COMMD1: variants seen among roughly 807,000 people sequenced by gnomAD.
The protein encoded by COMMD1 is copper metabolism domain containing 1, also known as COMM domain-containing protein 1.
COMMD1 carries 10 observed loss-of-function variants against 17.2 expected under a neutral mutation model. The observed-to-expected ratio is 0.58, with a 90% confidence interval of 0.36 to 0.99. The LOEUF is 0.99. COMMD1 is among the 50% of genes least tolerant of loss of function. COMMD1 has a pLI of 0.01. For synonymous variants in COMMD1, 97 were observed against 91.6 expected, an observed-to-expected ratio of 1.06 and a Z score of -0.34; for missense variants, 270 against 231.8, an observed-to-expected ratio of 1.17 and a Z score of -1.07.
chr2:61,932,733 C>T (rs1241460965), intron 1 of COMMD1, among the ~76,000 whole-genome samples: 2 of 152,142 alleles, frequency 1.3e-5, no homozygotes, highest in Non-Finnish European at 2.9e-5. Context: ...GCCGTGTGCC[C>T]AAACCCCTTG....
intron 2 of COMMD1, among the ~76,000 whole-genome samples, chr2:62,099,516 T>C (rs927326383): frequency 1.3e-5 from 2 of 152,038 alleles, no homozygotes; most frequent in Non-Finnish European, 2.9e-5. Flanking sequence ...TGGTGCCCAC[T>C]GGGGACCGCT....
intron 2 of COMMD1, among the ~76,000 whole-genome samples, chr2:62,090,324 C>G (rs1050484309): frequency 6.6e-6 from 1 of 151,700 alleles, no homozygotes; most frequent in Admixed American, 6.6e-5. Context: ...TTATCATATT[C>G]TTTGATTAGA....
intron 2 of COMMD1, among the ~76,000 whole-genome samples, chr2:62,087,183 A>T (rs1443007922): frequency 6.6e-6 from 1 of 152,206 alleles, no homozygotes; most frequent in Non-Finnish European, 1.5e-5. Flanking sequence ...TTAAAGCTTC[A>T]ACAAAATTAT....
chr2:62,077,956 A>G (rs1671391806), intron 2 of COMMD1, among the ~76,000 whole-genome samples: 1 of 152,200 alleles, frequency 6.6e-6, no homozygotes, highest in African/African-American at 2.4e-5. Context: ...CCTGGGATCA[A>G]CAGAAAGGAA....
intron 1 of COMMD1, among the ~76,000 whole-genome samples, chr2:61,944,076 A>T (rs1411340420): frequency 2.0e-5 from 3 of 152,172 alleles, no homozygotes; most frequent in African/African-American, 4.8e-5. Context: ...TATGAAAATG[A>T]TAGTTCAGTT....
chr2:62,064,852 T>C (rs926221214), intron 2 of COMMD1, among the ~76,000 whole-genome samples: 1 of 152,188 alleles, frequency 6.6e-6, no homozygotes. Flanking sequence ...AGCCTTTTTG[T>C]ATCAATATTT....
intron 2 of COMMD1, among the ~76,000 whole-genome samples, chr2:62,096,443 G>A (rs916563886): frequency 6.6e-6 from 1 of 152,204 alleles, no homozygotes; most frequent in Non-Finnish European, 1.5e-5. Context: ...TACAAAGAGG[G>A]TAAAAGGAAG....
intron 1 of COMMD1, among the ~76,000 whole-genome samples, chr2:61,892,058 C>T (rs986238693): frequency 6.6e-6 from 1 of 151,808 alleles, no homozygotes; most frequent in African/African-American, 2.4e-5. Flanking sequence ...GTCTCGATCT[C>T]CTGACCCGGT....
intron 2 of COMMD1, among the ~76,000 whole-genome samples, chr2:62,089,072 G>T (rs925744656): frequency 1.3e-5 from 2 of 152,096 alleles, no homozygotes; most frequent in Non-Finnish European, 2.9e-5. Context: ...GGAGACCAAG[G>T]TTCCTTTGAA....
chr2:62,018,604 C>A, intron 2 of COMMD1, among the ~76,000 whole-genome samples: 1 of 152,186 alleles, frequency 6.6e-6, no homozygotes, highest in East Asian at 1.9e-4. Flanking sequence ...ATTCAAATGG[C>A]ATATATTTAA....
At chr2:61,988,494 C>T (rs897964788) in intron 1 of COMMD1, among the ~76,000 whole-genome samples, 1 of 152,136 alleles carries the variant, frequency 6.6e-6, no homozygotes, top group African/African-American at 2.4e-5. Flanking sequence ...TCATGACTCT[C>T]CTTGGTGCAC....
intron 1 of COMMD1, among the ~76,000 whole-genome samples, chr2:61,992,854 C>A (rs753378353): frequency 1.3e-5 from 2 of 152,146 alleles, no homozygotes; most frequent in African/African-American, 4.8e-5. Flanking sequence ...TAATATAGTT[C>A]TATGCAGAGT....
At chr2:62,051,137 A>T (rs1266269524) in intron 2 of COMMD1, among the ~76,000 whole-genome samples, 1 of 152,028 alleles carries the variant, frequency 6.6e-6, no homozygotes, top group African/African-American at 2.4e-5. Flanking sequence ...AATGCAGCTT[A>T]TTTACCTATA....
At chr2:62,059,682 C>G (rs1409169886) in intron 2 of COMMD1, among the ~76,000 whole-genome samples, 1 of 152,196 alleles carries the variant, frequency 6.6e-6, no homozygotes, top group Non-Finnish European at 1.5e-5. Flanking sequence ...AGCTTCCTGC[C>G]TCAGCCACCC....
At position 62,001,000 on chromosome 2, in the gene COMMD1, C is replaced by A; in HGVS notation, c.462+18C>A. On this transcript the variant is annotated intron_variant, in intron 2 of 2. Transcript: ENST00000311832. ...ATGGACAGGTGAGTTAAACTTAAGT[C>A]AATTTTCCTTTGTAAACTGTATTTT... 1 of 1,607,804 alleles carries A rather than the reference C, an allele frequency of 6.2e-7. No individual in the cohort carries two copies. Among genetic ancestry groups the A allele is most frequent in the South Asian group, 1.1e-5 (1 of 90,814 alleles).
At chr2:62,107,948 T>C (rs1347983145) in intron 2 of COMMD1, among the ~76,000 whole-genome samples, 1 of 152,176 alleles carries the variant, frequency 6.6e-6, no homozygotes, top group African/African-American at 2.4e-5. Context: ...TCACATTTTT[T>C]CCCACCTATG....
intron 1 of COMMD1, among the ~76,000 whole-genome samples, chr2:61,924,023 C>T (rs1314979848): frequency 5.3e-5 from 8 of 152,174 alleles, no homozygotes; most frequent in Non-Finnish European, 1.2e-4. Context: ...GCCATCCACC[C>T]GCCATGGCCT....
upstream of COMMD1, among the ~76,000 whole-genome samples, chr2:61,901,958 C>G (rs1669665456): frequency 6.6e-6 from 1 of 151,964 alleles, no homozygotes; most frequent in Non-Finnish European, 1.5e-5. Flanking sequence ...CTCAGCCTCC[C>G]AAGTAGCTGG....
intron 1 of COMMD1, among the ~76,000 whole-genome samples, chr2:61,924,438 G>A (rs1572966892): frequency 6.7e-6 from 1 of 149,030 alleles, no homozygotes; most frequent in African/African-American, 2.5e-5. Context: ...ATATGGTGGG[G>A]GGTCATGCTG....
Sources: gnomAD v4.1 joint callset for allele counts (sites outside exome capture counted in the v4.1 genomes callset) on GRCh38, gnomAD v4.1.1 for gene constraint, MANE v1.5 for transcripts, NCBI Gene and HGNC (gene_info 2026-07-23, HGNC 2026-07-21) for gene names.